The following SRRM4 variants were observed in gnomAD, a reference collection of about 807,000 sequenced individuals.
SRRM4 encodes serine/arginine repetitive matrix 4, also known as serine/arginine repetitive matrix protein 4.
SRRM4 carries 33 observed loss-of-function variants against 68.9 expected under a neutral mutation model. The observed-to-expected ratio is 0.48, with a 90% CI of 0.36 to 0.64. The LOEUF (loss-of-function observed/expected upper bound fraction) is 0.64. Among genes scored for constraint, SRRM4 ranks in the 30% least tolerant of loss-of-function variants. The pLI is 0.00. For synonymous variants in SRRM4, 318 were observed against 318.8 expected (o/e 1.00, Z 0.03); for missense variants, 817 against 827.1 (o/e 0.99, Z 0.15).
chr12:119,029,740 T>C (rs1953575155), intron 1 of SRRM4, among the ~76,000 whole-genome samples: 1 of 152,220 alleles, frequency 6.6e-6, no homozygotes, highest in Non-Finnish European at 1.5e-5. Context: ...AAACATGTTT[T>C]GATGGTGATG....
intron 1 of SRRM4, among the ~76,000 whole-genome samples, chr12:119,042,311 G>A (rs1189808728): frequency 6.6e-6 from 1 of 151,858 alleles, no homozygotes; most frequent in Non-Finnish European, 1.5e-5. Context: ...GGGGTCAGAG[G>A]GTGGGCAAGA....
intron 8 of SRRM4, 52 bp downstream of exon 8, chr12:119,130,886 A>G (rs4298970): frequency 0.68 from 1,057,151 of 1,556,864 alleles, 359,768 homozygotes; most frequent in East Asian, 0.77. Context: ...ACACTTGGGG[A>G]ATGTGGAGGC....
chr12:119,107,946 G>A (rs1488151962), intron 2 of SRRM4, among the ~76,000 whole-genome samples: 1 of 152,096 alleles, frequency 6.6e-6, no homozygotes, highest in African/African-American at 2.4e-5. Flanking sequence ...TCTATTGTGG[G>A]CATTTAGTGC....
At chr12:119,091,166 C>T (rs1472227978) in intron 1 of SRRM4, among the ~76,000 whole-genome samples, 1 of 152,230 alleles carries the variant, frequency 6.6e-6, no homozygotes, top group Non-Finnish European at 1.5e-5. Flanking sequence ...GCCATCCTCT[C>T]AGAAGCCCCC....
intron 1 of SRRM4, among the ~76,000 whole-genome samples, chr12:119,032,831 C>G (rs1176735134): frequency 2.0e-5 from 3 of 152,030 alleles, no homozygotes; most frequent in African/African-American, 7.2e-5. Context: ...ATAGTTTCAC[C>G]AATTTTCTGT....
At chr12:119,045,582 G>A (rs1565896617) in intron 1 of SRRM4, among the ~76,000 whole-genome samples, 1 of 151,492 alleles carries the variant, frequency 6.6e-6, no homozygotes, top group African/African-American at 2.4e-5. Context: ...GTGGTAATCG[G>A]TTGGGAACCC....
chr12:119,043,876 G>GT (rs993025460), intron 1 of SRRM4, among the ~76,000 whole-genome samples: 20 of 150,454 alleles, frequency 1.3e-4, no homozygotes, highest in Non-Finnish European at 2.2e-4. Context: ...TTTGTTTTTT[G>GT]TTTTTTGAGA....
chr12:119,035,765 A>C (rs1473271975), intron 1 of SRRM4, among the ~76,000 whole-genome samples: 1 of 152,078 alleles, frequency 6.6e-6, no homozygotes, highest in East Asian at 1.9e-4. Context: ...TTTCCATCTT[A>C]TCAGGAACAT....
intron 1 of SRRM4, among the ~76,000 whole-genome samples, chr12:119,096,303 G>A: frequency 6.6e-6 from 1 of 151,808 alleles, no homozygotes; most frequent in Non-Finnish European, 1.5e-5. Context: ...AAAATGCTGG[G>A]ATTACAGGTG....
chr12:119,095,264 GC>G (rs1482587174), intron 1 of SRRM4, among the ~76,000 whole-genome samples: 4 of 152,184 alleles, frequency 2.6e-5, no homozygotes, highest in Non-Finnish European at 4.4e-5. Flanking sequence ...GGCTAGGTCA[GC>G]CCCATGATAA....
intron 1 of SRRM4, among the ~76,000 whole-genome samples, chr12:119,050,432 C>G (rs573649846): frequency 6.6e-6 from 1 of 152,190 alleles, no homozygotes; most frequent in African/African-American, 2.4e-5. Context: ...CATAGCTAAT[C>G]GCATAAACAA....
intron 1 of SRRM4, among the ~76,000 whole-genome samples, chr12:119,048,004 C>T (rs1953718252): frequency 6.6e-6 from 1 of 152,222 alleles, no homozygotes; most frequent in Non-Finnish European, 1.5e-5. Context: ...TGTTGCAATT[C>T]TAGATCTTGA....
At chr12:119,084,452 G>T (rs1376239362) in intron 1 of SRRM4, among the ~76,000 whole-genome samples, 1 of 152,198 alleles carries the variant, frequency 6.6e-6, no homozygotes, top group African/African-American at 2.4e-5. Context: ...GAAGAAATAT[G>T]TATTACATAT....
intron 10 of SRRM4, among the ~76,000 whole-genome samples, chr12:119,151,606 T>C (rs1954440084): frequency 1.3e-5 from 2 of 152,152 alleles, no homozygotes; most frequent in African/African-American, 4.8e-5. Context: ...GCTACTTAGT[T>C]CCTGATCCTG....
intron 11 of SRRM4, 108 bp downstream of exon 11, chr12:119,153,757 C>A: frequency 1.3e-6 from 1 of 750,394 alleles, no homozygotes. Context: ...CCTCTTAGGT[C>A]TGACCCTGAC....
At chr12:119,005,719 TCA>T (rs1286030541) in intron 1 of SRRM4, among the ~76,000 whole-genome samples, 3 of 152,230 alleles carry the variant, frequency 2.0e-5, no homozygotes, top group Admixed American at 6.5e-5. Flanking sequence ...GCAGTGCCTA[TCA>T]CAGAGTAATC....
In SRRM4 at chr12:119,028,917, G is replaced by C. The variant is rs577746355; in HGVS notation, c.131+46904G>C. Among the ~76,000 whole-genome samples the C allele has an allele frequency of 3.3e-5, 5 of 152,266 alleles. No individual in the cohort carries two copies. The South Asian group carries it at 1.0e-3, about 32-fold the overall frequency. On this transcript the variant is annotated intron_variant, in intron 1 of 12. Coordinates refer to ENST00000267260, the MANE Select transcript of SRRM4 (RefSeq NM_194286.4). ...TATAGCTGATAGACACTTTGCCTGG[G>C]GTTTCAACATAGCAGGAGGGATTAT... is the stretch of plus-strand genomic sequence containing the variant.
intron 1 of SRRM4, chr12:118,991,907 G>A (rs915611272): frequency 6.6e-6 from 1 of 152,170 alleles, no homozygotes; most frequent in Non-Finnish European, 1.5e-5. Context: ...ATCTACAGAG[G>A]TGTAGTATTA....
At chr12:119,135,762 A>T (rs960577364) in intron 8 of SRRM4, among the ~76,000 whole-genome samples, 1 of 152,214 alleles carries the variant, frequency 6.6e-6, no homozygotes, top group African/African-American at 2.4e-5. Flanking sequence ...CCAAGAAAAA[A>T]TAAGTAAAAA....
Sources: gnomAD v4.1 joint callset for allele counts (sites outside exome capture counted in the v4.1 genomes callset) on GRCh38, gnomAD v4.1.1 for gene constraint, MANE v1.5 for transcripts, NCBI Gene and HGNC (gene_info 2026-07-23, HGNC 2026-07-21) for gene names.